MRAP2: variants seen among roughly 807,000 people sequenced by gnomAD.
MRAP2 encodes melanocortin-2 receptor accessory protein 2.
MRAP2 carries 20 observed loss-of-function variants against 17.4 expected under a neutral mutation model. That is an observed-to-expected ratio of 1.15 (90% CI 0.81 to 1.67). The LOEUF is 1.67. Ranked by LOEUF, MRAP2 falls within the 40% of genes most tolerant of loss-of-function variation. The probability of loss-of-function intolerance (pLI) is 0.00; values close to 1 mark genes in which losing one functional copy is unlikely to be tolerated. For missense variants in MRAP2, 238 were observed against 240.0 expected, an observed-to-expected ratio of 0.99 and a Z score of 0.05; for synonymous variants, 96 against 88.4, an observed-to-expected ratio of 1.09 and a Z score of -0.48.
chr6:84,055,438 T>A lies in MRAP2; in HGVS notation c.120T>A (p.Ala40=), dbSNP rs746352897. 6.2e-7 allele frequency: 1 copy of A among 1,611,804 alleles called. No individual in the cohort carries two copies. Among genetic ancestry groups the A allele is most frequent in the African/African-American group, 1.3e-5 (1 of 74,788 alleles). ...CAGTTTCCTTTGAAGGACTGAAGGC[T>A]CATAAATGTAAGTTTTATACAATTC... ...IGPVSFEGLK[A]HKYSIVIGFW... is the part of the protein sequence containing the mutation. The change falls in exon 2 of 4, where the codon GCT becomes GCA. Residue 40 remains alanine (A), a synonymous_variant. Coordinates refer to ENST00000257776, the MANE Select transcript of MRAP2 (RefSeq NM_138409.4).
the MRAP2 span, among the ~76,000 whole-genome samples, chr6:84,139,077 C>T: frequency 6.6e-6 from 1 of 152,184 alleles, no homozygotes; most frequent in African/African-American, 2.4e-5. Flanking sequence ...TGGCCTTTCA[C>T]ACTTTTTAGA....
intron 3 of MRAP2, among the ~76,000 whole-genome samples, chr6:84,078,436 C>G (rs1206634278): frequency 6.6e-6 from 1 of 152,176 alleles, no homozygotes; most frequent in Admixed American, 6.5e-5. Context: ...AGTGAAATGT[C>G]ATTTCACTCC....
the MRAP2 span, among the ~76,000 whole-genome samples, chr6:84,105,376 G>A: frequency 6.6e-6 from 1 of 152,168 alleles, no homozygotes; most frequent in African/African-American, 2.4e-5. Context: ...AGGCAAGGAG[G>A]AGCAAGTCAT....
chr6:84,040,981 T>C (rs933107363), intron 1 of MRAP2, among the ~76,000 whole-genome samples: 12 of 152,206 alleles, frequency 7.9e-5, no homozygotes, highest in Non-Finnish European at 1.6e-4. Flanking sequence ...CTCCAGGGCA[T>C]GTCGGAGACC....
At chr6:84,120,064 A>C in the MRAP2 span, among the ~76,000 whole-genome samples, 2 of 152,322 alleles carry the variant, frequency 1.3e-5, no homozygotes, top group African/African-American at 4.8e-5. Context: ...GTGCTGTCCA[A>C]GTCCAACAGC....
chr6:84,143,719 C>A, the MRAP2 span, among the ~76,000 whole-genome samples: 3 of 151,832 alleles, frequency 2.0e-5, no homozygotes, highest in East Asian at 3.9e-4. Context: ...TAAAAATGAG[C>A]CTTAATGTCA....
the MRAP2 span, among the ~76,000 whole-genome samples, chr6:84,121,805 T>C: frequency 2.6e-4 from 39 of 152,204 alleles, no homozygotes; most frequent in African/African-American, 9.4e-4. Flanking sequence ...GCAAAAGTAA[T>C]GTTAAGAGGA....
At chr6:84,087,650 A>G (rs2099500834) in intron 3 of MRAP2, among the ~76,000 whole-genome samples, 2 of 152,338 alleles carry the variant, frequency 1.3e-5, no homozygotes, top group South Asian at 4.1e-4. Flanking sequence ...GCACTAAAGC[A>G]TAAATCTTCA....
At chr6:84,093,177 C>T (rs2099502059), downstream of MRAP2, among the ~76,000 whole-genome samples, 1 of 152,106 alleles carries the variant, frequency 6.6e-6, no homozygotes, top group Admixed American at 6.6e-5. Flanking sequence ...GTTATCAGTG[C>T]CCTGGGTTCT....
At chr6:84,082,619 T>C (rs952841290) in intron 3 of MRAP2, among the ~76,000 whole-genome samples, 1 of 152,192 alleles carries the variant, frequency 6.6e-6, no homozygotes, top group Non-Finnish European at 1.5e-5. Flanking sequence ...TCTCTCCTGC[T>C]TACCAGTAGA....
At chr6:84,082,994 TAAAA>T (rs1342738143) in intron 3 of MRAP2, among the ~76,000 whole-genome samples, 2 of 151,814 alleles carry the variant, frequency 1.3e-5, no homozygotes, top group African/African-American at 4.8e-5. Context: ...CCACCTTATC[TAAAA>T]AAAGTTCAAA....
chr6:84,141,894 T>TA, the MRAP2 span, among the ~76,000 whole-genome samples: 21 of 151,192 alleles, frequency 1.4e-4, no homozygotes, highest in African/African-American at 2.4e-4. Flanking sequence ...AAGAAAAACT[T>TA]AAAAAAAAAT....
the MRAP2 span, among the ~76,000 whole-genome samples, chr6:84,123,315 G>C: frequency 6.7e-6 from 1 of 149,754 alleles, no homozygotes; most frequent in Admixed American, 6.7e-5. Context: ...AAATACAGAG[G>C]CATCACATTG....
intron 1 of MRAP2, among the ~76,000 whole-genome samples, chr6:84,040,659 G>A (rs1459806738): frequency 6.6e-6 from 1 of 152,184 alleles, no homozygotes; most frequent in Admixed American, 6.5e-5. Context: ...CTCAGATAGA[G>A]ATGAGGAATT....
intron 3 of MRAP2, among the ~76,000 whole-genome samples, chr6:84,078,365 T>G (rs1256709114): frequency 6.6e-6 from 1 of 152,080 alleles, no homozygotes; most frequent in African/African-American, 2.4e-5. Flanking sequence ...CAATAGCCAA[T>G]AAGCACAGTA....
downstream of MRAP2, among the ~76,000 whole-genome samples, chr6:84,094,194 A>T (rs2099502272): frequency 6.6e-6 from 1 of 152,202 alleles, no homozygotes; most frequent in Non-Finnish European, 1.5e-5. Flanking sequence ...ATTTTTTCAG[A>T]GAGCCCCCCG....
the MRAP2 span, among the ~76,000 whole-genome samples, chr6:84,136,442 C>G: frequency 6.6e-6 from 1 of 152,154 alleles, no homozygotes; most frequent in Non-Finnish European, 1.5e-5. Context: ...ATCATGAGCC[C>G]ACTCCTGTGA....
chr6:84,108,584 T>C, the MRAP2 span, among the ~76,000 whole-genome samples: 1 of 152,196 alleles, frequency 6.6e-6, no homozygotes, highest in Non-Finnish European at 1.5e-5. Context: ...ATTAGACCTT[T>C]GTCAGATGCA....
chr6:84,077,647 C>CT (rs1206736271), intron 3 of MRAP2, among the ~76,000 whole-genome samples: 1 of 152,092 alleles, frequency 6.6e-6, no homozygotes, highest in African/African-American at 2.4e-5. Context: ...GTTAACTATT[C>CT]TATTTTTTTG....
Sources: allele counts gnomAD v4.1 joint callset (sites outside exome capture counted in the v4.1 genomes callset), GRCh38; gene constraint gnomAD v4.1.1; transcripts MANE v1.5; gene names NCBI Gene and HGNC (gene_info 2026-07-23, HGNC 2026-07-21).